The following SKP1 variants were observed in gnomAD, a reference collection of about 807,000 sequenced individuals.
SKP1 encodes the protein S-phase kinase-associated protein 1.
SKP1 carries 1 observed loss-of-function variant against 21.5 expected under a neutral mutation model. The ratio of observed to expected loss-of-function variants is 0.05; its 90% CI spans 0.02 to 0.22. SKP1 has a LOEUF of 0.22. Ranked by LOEUF, SKP1 falls within the 10% of genes least tolerant of loss-of-function variation. SKP1 has a pLI of 1.00. For synonymous variants in SKP1, 59 were observed against 59.3 expected, an observed-to-expected ratio of 0.99 and a Z score of 0.03; for missense variants, 70 against 192.0, an observed-to-expected ratio of 0.36 and a Z score of 3.76.
intron 3 of SKP1, among the ~76,000 whole-genome samples, chr5:134,164,639 G>A (rs1761293220): frequency 6.6e-6 from 1 of 152,100 alleles, no homozygotes; most frequent in Non-Finnish European, 1.5e-5. Context: ...TTTTTCATTA[G>A]TATAAAATAG....
chr5:134,175,942 A>C (rs79891556), intron 1 of SKP1, among the ~76,000 whole-genome samples: 2 of 134,928 alleles, frequency 1.5e-5, no homozygotes, highest in African/African-American at 5.6e-5. Context: ...AGAAAAAAAA[A>C]CCCCTGCGCT....
intron 2 of SKP1, among the ~76,000 whole-genome samples, chr5:134,173,113 A>T: frequency 6.6e-6 from 1 of 151,868 alleles, no homozygotes; most frequent in Non-Finnish European, 1.5e-5. Flanking sequence ...TGGGCGGATC[A>T]CCTGAGGTCG....
chr5:134,173,098 C>T (rs1004020587), intron 2 of SKP1, among the ~76,000 whole-genome samples: 17 of 151,560 alleles, frequency 1.1e-4, no homozygotes, highest in East Asian at 3.9e-4. Context: ...TTTGGGAGGT[C>T]GAGGTGGGCG....
intron 2 of SKP1, among the ~76,000 whole-genome samples, chr5:134,172,088 T>C (rs567682265): frequency 2.4e-4 from 37 of 152,340 alleles, no homozygotes; most frequent in African/African-American, 7.0e-4. Context: ...CAGTATTACA[T>C]ACTGCAATCT....
rs1173526600 is a variant in SKP1 at position 134,153,959 on chromosome 5, C to T, written c.*3774G>A. 6.6e-6 allele frequency: 1 copy of T among 152,162 alleles called. No homozygotes were observed. Among genetic ancestry groups the T allele is most frequent in the Non-Finnish European group, 1.5e-5 (1 of 68,036 alleles). 9.4% of individuals were successfully genotyped at this position (152,162 alleles called of 1,614,324 possible). On this transcript the variant is annotated 3_prime_UTR_variant, in exon 6 of 6. Coordinates refer to ENST00000353411, the MANE Select transcript of SKP1 (RefSeq NM_170679.3). ...GTCACAATATAGTTCTTGCTTAATT[C>T]CAGGAGCTGGTGTATTCTGACAGTT...
rs58795086 is a variant in SKP1, at chr5:134,167,528, G to T, written c.98-285C>A. On this transcript the variant is annotated intron_variant, in intron 2 of 5. Coordinates refer to ENST00000353411, the MANE Select transcript of SKP1 (RefSeq NM_170679.3). ...GGCATTGTAAGTAATCTAGAGAGGG[G>T]TTTTTTTTTTTTGAGACAGATTCTT... 5.2e-3 allele frequency among the ~76,000 whole-genome samples: 753 copies of T among 145,900 alleles called. 3 individuals carry two copies. The highest frequency in any genetic ancestry group is 0.017 in the African/African-American group (699 of 40,062).
At position 134,157,621 on chromosome 5, in the gene SKP1, G is replaced by C; in HGVS notation, c.*112C>G. The C allele has an allele frequency of 1.1e-6, 1 of 923,252 alleles. No homozygotes were observed. The highest frequency in any genetic ancestry group is 1.6e-5 in the African/African-American group (1 of 61,670). 57.2% of individuals were successfully genotyped at this position (923,252 alleles called of 1,614,324 possible). ...AGGACAATATTCTGCTAATACAATTGACTTGCTGCTGCATTTGTCTACTGT... is the reference window on the plus strand; with the variant it reads ...AGGACAATATTCTGCTAATACAATTCACTTGCTGCTGCATTTGTCTACTGT... On this transcript the variant is annotated 3_prime_UTR_variant, in exon 6 of 6. Coordinates refer to ENST00000353411, the MANE Select transcript of SKP1 (RefSeq NM_170679.3).
intron 2 of SKP1, among the ~76,000 whole-genome samples, chr5:134,173,012 C>CAA (rs199935510): frequency 8.9e-4 from 84 of 94,734 alleles, no homozygotes; most frequent in Admixed American, 1.5e-3. Flanking sequence ...GACTCCGTCT[C>CAA]AAAAAAAAAA....
rs1384987822 is a variant in SKP1 at position 134,157,784 on chromosome 5, A to G, written c.457-16T>C. 6.2e-7 allele frequency: 1 copy of G among 1,613,116 alleles called. No individual in the cohort carries two copies. The highest frequency in any genetic ancestry group is 8.5e-7 in the Non-Finnish European group (1 of 1,179,162). On this transcript the variant is annotated splice_polypyrimidine_tract_variant and intron_variant, in intron 5 of 5. Transcript: ENST00000353411. ...CTTTGCGTACCTAAAAGAGATGGAT[A>G]TAGGGAAGTACCTTAACTTGAGTAG...
intron 1 of SKP1, chr5:134,176,587 G>A (rs911760077): frequency 6.6e-6 from 1 of 152,366 alleles, no homozygotes; most frequent in Non-Finnish European, 1.5e-5. Flanking sequence ...CCGGTGCAGA[G>A]AAGGCCCAGC....
chr5:134,161,016 CA>C lies in SKP1; in HGVS notation c.285del (p.Asp96ThrfsTer15). ...ATGAGTTCAAAAAGTGTTCCTTGGT[CA>C]ACTTTCAGGAATTCTTGGTCCCAAA... is the stretch of plus-strand genomic sequence containing the variant. Reference protein sequence around the residue: ...IPVWDQEFLKVDQGTLFELIL... With the variant: ...IPVWDQEFLKXDQGTLFELIL... On this transcript the variant is annotated frameshift_variant, in exon 4 of 6. Transcript: ENST00000353411. LOFTEE classifies it high-confidence loss of function. 1 of 1,612,402 alleles carries C rather than the reference CA, an allele frequency of 6.2e-7. No individual in the cohort carries two copies. The highest frequency in any genetic ancestry group is 8.5e-7 in the Non-Finnish European group (1 of 1,179,540).
At position 134,151,903 on chromosome 5, in the gene SKP1, C is replaced by T. The variant is rs1761050058; in HGVS notation, c.*5830G>A. 3.1e-6 allele frequency: 1 copy of T among 318,866 alleles called. No individual in the cohort carries two copies. Among genetic ancestry groups the T allele is most frequent in the Non-Finnish European group, 6.4e-6 (1 of 155,918 alleles). The allele number at this position is 318,866 out of a possible 1,614,324, so 19.8% of individuals were successfully genotyped here. A position where few individuals can be genotyped will look rare whatever the true frequency, so the allele number is the denominator to read the frequency against. On this transcript the variant is annotated 3_prime_UTR_variant, in exon 6 of 6. Transcript: ENST00000353411. ...GAGCACCTTCGACAACACTTTTCGG[C>T]CACCACTAATGATCATCTCCACTGA...
At chr5:134,175,149 G>A (rs1255098327) in intron 1 of SKP1, 1 of 152,182 alleles carries the variant, frequency 6.6e-6, no homozygotes, top group Non-Finnish European at 1.5e-5. Flanking sequence ...AAAGACTTAT[G>A]ACCCATTACA....
At chr5:134,166,580 CAAAAAA>C (rs36106913) in intron 3 of SKP1, among the ~76,000 whole-genome samples, 6 of 52,528 alleles carry the variant, frequency 1.1e-4, no homozygotes, top group East Asian at 1.7e-3. Flanking sequence ...ACTCTGGTCT[CAAAAAA>C]AAAAAAAAAA....
chr5:134,153,361 G>A lies in SKP1; in HGVS notation c.*4372C>T, dbSNP rs575736862. 5 of 152,420 alleles carry A rather than the reference G, an allele frequency of 3.3e-5. No homozygotes were observed. The highest frequency in any genetic ancestry group is 2.1e-4 in the South Asian group (1 of 4,824). The allele number at this position is 152,420 out of a possible 1,614,324, so 9.4% of individuals were successfully genotyped here. A position where few individuals can be genotyped will look rare whatever the true frequency, so the allele number is the denominator to read the frequency against. On this transcript the variant is annotated 3_prime_UTR_variant, in exon 6 of 6. Transcript: ENST00000353411. ...CAAGGCATGGTAGCACACACATGTA[G>A]TCCTAGCTATTCAGGAGGCTGAGGC...
chr5:134,158,011 G>A (rs750419342), intron 5 of SKP1: 8 of 1,496,398 alleles, frequency 5.3e-6, no homozygotes, highest in Non-Finnish European at 7.1e-6. Flanking sequence ...AAAGTTGACA[G>A]AGCAAATTCA....
rs367784028 is a variant in SKP1, at chr5:134,157,453, A to G, written c.*280T>C. ...AAACTAGGCAGACATTGCTTTACAA[A>G]AAAGAGGGAAAGCCCAAAATGCCAC... On this transcript the variant is annotated 3_prime_UTR_variant, in exon 6 of 6. Coordinates refer to ENST00000353411, the MANE Select transcript of SKP1 (RefSeq NM_170679.3). 1 of 311,962 alleles carries G rather than the reference A, an allele frequency of 3.2e-6. No individual in the cohort carries two copies. The highest frequency in any genetic ancestry group is 2.2e-5 in the African/African-American group (1 of 46,166). The allele number at this position is 311,962 out of a possible 1,614,324, so 19.3% of individuals were successfully genotyped here. A position where few individuals can be genotyped will look rare whatever the true frequency, so the allele number is the denominator to read the frequency against.
At chr5:134,164,564 C>CA (rs1761291621) in intron 3 of SKP1, among the ~76,000 whole-genome samples, 1 of 152,116 alleles carries the variant, frequency 6.6e-6, no homozygotes, top group Non-Finnish European at 1.5e-5. Context: ...GCTATACCCC[C>CA]AGCTTTTGGA....
chr5:134,175,639 TTAGTCA>T (rs1195674756), intron 1 of SKP1: 1 of 152,224 alleles, frequency 6.6e-6, no homozygotes, highest in African/African-American at 2.4e-5. Flanking sequence ...AGATAAGTGC[TTAGTCA>T]TAGTCAAGTT....
Sources: gnomAD v4.1 joint callset for allele counts (sites outside exome capture counted in the v4.1 genomes callset) on GRCh38, gnomAD v4.1.1 for gene constraint, MANE v1.5 for transcripts, NCBI Gene and HGNC (gene_info 2026-07-23, HGNC 2026-07-21) for gene names.